The following HPSE2 variants were observed in gnomAD, a reference collection of about 807,000 sequenced individuals.
The protein encoded by HPSE2 is heparanase 2 (inactive).
Under a neutral mutation model 60.5 loss-of-function variants are expected in HPSE2, and 38 were observed. The observed-to-expected ratio is 0.63, with a 90% CI of 0.48 to 0.82. HPSE2 has a LOEUF of 0.82. HPSE2 is among the 40% of genes least tolerant of loss of function. The pLI, the probability that HPSE2 is intolerant of heterozygous loss-of-function variation, is 0.00. For missense variants in HPSE2, 713 were observed against 740.4 expected, an observed-to-expected ratio of 0.96 and a Z score of 0.43; for synonymous variants, 295 against 293.2, an observed-to-expected ratio of 1.01 and a Z score of -0.06.
intron 3 of HPSE2, among the ~76,000 whole-genome samples, chr10:98,939,467 G>T (rs1203751637): frequency 2.1e-5 from 3 of 142,754 alleles, no homozygotes; most frequent in Non-Finnish European, 4.5e-5. Flanking sequence ...AAACCAAAAA[G>T]ATCAAAAGAG....
At chr10:98,649,132 G>A (rs1336163367) in intron 6 of HPSE2, among the ~76,000 whole-genome samples, 1 of 152,146 alleles carries the variant, frequency 6.6e-6, no homozygotes, top group Non-Finnish European at 1.5e-5. Flanking sequence ...AAAACTCAGT[G>A]TTTGTAAATT....
At chr10:98,967,002 G>C (rs1955829755) in intron 3 of HPSE2, among the ~76,000 whole-genome samples, 1 of 152,166 alleles carries the variant, frequency 6.6e-6, no homozygotes, top group Non-Finnish European at 1.5e-5. Flanking sequence ...TTTATGTTAT[G>C]AAGATTATCT....
At chr10:98,495,710 ATT>A (rs56960685) in intron 9 of HPSE2, among the ~76,000 whole-genome samples, 34 of 150,532 alleles carry the variant, frequency 2.3e-4, no homozygotes, top group East Asian at 1.2e-3. Context: ...CAGCTCCAGA[ATT>A]TTTTTTTTTG....
rs143557455 is a variant in HPSE2 at position 98,484,589 on chromosome 10, C to A, written c.1467-1807G>T. Among the ~76,000 whole-genome samples, 539 of 152,310 alleles carry A rather than the reference C, an allele frequency of 3.5e-3. 2 individuals are homozygous for A. Among genetic ancestry groups the A allele is most frequent in the African/African-American group, 0.012 (517 of 41,582 alleles). On this transcript the variant is annotated intron_variant, in intron 10 of 11. Coordinates refer to ENST00000370552, the MANE Select transcript of HPSE2 (RefSeq NM_021828.5). ...TAAAAACTATTTATTAAAGAGCAGTCTTTTGTCTGCAAAATTTCCCCCAGT... is the reference window on the plus strand; with the variant it reads ...TAAAAACTATTTATTAAAGAGCAGTATTTTGTCTGCAAAATTTCCCCCAGT...
At chr10:98,525,236 C>T (rs1365218884) in intron 9 of HPSE2, among the ~76,000 whole-genome samples, 1 of 152,184 alleles carries the variant, frequency 6.6e-6, no homozygotes, top group African/African-American at 2.4e-5. Context: ...GTCTGGAACT[C>T]CTGACCTCAG....
At chr10:99,305,979 G>GCGCGCGCGCGCGCGCACACA in the HPSE2 span, among the ~76,000 whole-genome samples, 12 of 80,580 alleles carry the variant, frequency 1.5e-4, no homozygotes, top group Admixed American at 7.2e-4. Context: ...GCGCGCGCGC[G>GCGCGCGCGCGCGCGCACACA]CACACACACA....
intron 3 of HPSE2, among the ~76,000 whole-genome samples, chr10:98,888,884 C>G (rs911732414): frequency 6.6e-6 from 1 of 152,060 alleles, no homozygotes; most frequent in African/African-American, 2.4e-5. Context: ...TAATTTAGTC[C>G]TACATTCTCA....
intron 3 of HPSE2, among the ~76,000 whole-genome samples, chr10:99,096,401 C>A (rs1202318038): frequency 6.6e-6 from 1 of 152,180 alleles, no homozygotes; most frequent in Non-Finnish European, 1.5e-5. Flanking sequence ...ATCCTAACAA[C>A]AATCCTATGG....
At chr10:98,846,675 A>AT (rs1048676339) in intron 3 of HPSE2, among the ~76,000 whole-genome samples, 44 of 152,346 alleles carry the variant, frequency 2.9e-4, no homozygotes, top group African/African-American at 1.0e-3. Context: ...AAACAAACAA[A>AT]TAAACAAATG....
At chr10:98,545,833 T>C (rs1177082522) in intron 9 of HPSE2, among the ~76,000 whole-genome samples, 1 of 148,846 alleles carries the variant, frequency 6.7e-6, no homozygotes, top group Non-Finnish European at 1.5e-5. Context: ...AAATAAAGGG[T>C]ATTCAATTAG....
At chr10:99,116,803 A>C (rs1844709886) in intron 3 of HPSE2, among the ~76,000 whole-genome samples, 1 of 152,174 alleles carries the variant, frequency 6.6e-6, no homozygotes, top group African/African-American at 2.4e-5. Context: ...GGGAGAAGGG[A>C]AGGTAGGGGC....
chr10:99,305,957 ACACACGCGCGCGCGCGCGCGCG>A, the HPSE2 span, among the ~76,000 whole-genome samples: 14 of 24,700 alleles, frequency 5.7e-4, no homozygotes, highest in Non-Finnish European at 7.8e-4. Flanking sequence ...CCAAACTCAC[ACACACGCGCGCGCGCGCGCGCG>A]CACACACACA....
intron 3 of HPSE2, among the ~76,000 whole-genome samples, chr10:98,963,808 T>C (rs1403787235): frequency 6.6e-6 from 1 of 152,058 alleles, no homozygotes; most frequent in African/African-American, 2.4e-5. Flanking sequence ...CATGGAATCA[T>C]GACTAATGGA....
intron 3 of HPSE2, among the ~76,000 whole-genome samples, chr10:98,990,868 T>C (rs1956506243): frequency 6.6e-6 from 1 of 152,178 alleles, no homozygotes; most frequent in Non-Finnish European, 1.5e-5. Context: ...TACCTACACA[T>C]ACACACAAAA....
intron 2 of HPSE2, among the ~76,000 whole-genome samples, chr10:99,172,573 C>T (rs1050628682): frequency 1.3e-5 from 2 of 152,150 alleles, no homozygotes; most frequent in Admixed American, 6.6e-5. Flanking sequence ...CATGTAAGAA[C>T]AGAAATAACT....
intron 9 of HPSE2, among the ~76,000 whole-genome samples, chr10:98,597,929 C>T (rs369044752): frequency 7.0e-6 from 1 of 143,734 alleles, no homozygotes; most frequent in Admixed American, 7.0e-5. Context: ...CGAGATCATG[C>T]CACTGCACTC....
intron 5 of HPSE2, among the ~76,000 whole-genome samples, chr10:98,707,685 T>A (rs368818694): frequency 6.6e-6 from 1 of 152,118 alleles, no homozygotes; most frequent in African/African-American, 2.4e-5. Flanking sequence ...TAGTATATAG[T>A]TTACAGAAAA....
upstream of HPSE2, among the ~76,000 whole-genome samples, chr10:99,239,425 T>G (rs1024354684): frequency 3.1e-5 from 4 of 127,848 alleles, no homozygotes; most frequent in Non-Finnish European, 5.1e-5. Context: ...AAGGTTTTTT[T>G]TTTTTTTTTT....
intron 3 of HPSE2, among the ~76,000 whole-genome samples, chr10:98,800,117 C>T (rs949089795): frequency 6.6e-6 from 1 of 151,960 alleles, no homozygotes. Flanking sequence ...CCTGTAATCC[C>T]GGCACTTCAG....
Sources: gnomAD v4.1 joint callset for allele counts (sites outside exome capture counted in the v4.1 genomes callset) on GRCh38, gnomAD v4.1.1 for gene constraint, MANE v1.5 for transcripts, NCBI Gene and HGNC (gene_info 2026-07-23, HGNC 2026-07-21) for gene names.